Variants in GPR84 observed in about 807,000 individuals in gnomAD.
GPR84 encodes G protein-coupled receptor 84.
A neutral mutation model predicts 14.9 loss-of-function variants in GPR84; 8 were observed. That is an observed-to-expected ratio of 0.54 (90% confidence interval 0.31 to 0.97). The LOEUF (loss-of-function observed/expected upper bound fraction) is 0.97. Among genes scored for constraint, GPR84 ranks in the 50% least tolerant of loss-of-function variants. GPR84 has a pLI of 0.04. For synonymous variants in GPR84, 164 were observed against 198.1 expected (o/e 0.83, Z 1.45); for missense variants, 424 against 498.7 (o/e 0.85, Z 1.43).
chr12:54,363,271 A>G lies in GPR84; in HGVS notation c.581T>C (p.Val194Ala), dbSNP rs201957956. ...GTGGATGAGGCAATAGAAGATGCCA[A>G]CACTGCTGAGCCCAAGCACAAAGTA... ...GIYFVLGLSS[V>A]GIFYCLIHRQ... Residue 194 changes from valine to alanine, a missense_variant, in exon 2 of 2, where the codon GTT (valine) becomes GCT (alanine). Transcript: ENST00000267015. 2 of 1,614,180 alleles carry G rather than the reference A, an allele frequency of 1.2e-6. No homozygotes were observed. Among genetic ancestry groups the G allele is most frequent in the Non-Finnish European group, 1.7e-6 (2 of 1,180,028 alleles).
In GPR84 at chr12:54,364,400, T is replaced by C. The variant is rs1188865572; in HGVS notation, c.-16A>G. ...CACAACAAAAGTGCTTACCTGAGTT[T>C]CTCAGCCTTCAATTCTTTCTATAAT... is the stretch of plus-strand genomic sequence containing the variant. On this transcript the variant is annotated 5_prime_UTR_variant, in exon 1 of 2. Transcript: ENST00000267015. The C allele has an allele frequency of 6.6e-6, 1 of 152,328 alleles. No homozygotes were observed. The highest frequency in any genetic ancestry group is 1.5e-5 in the Non-Finnish European group (1 of 68,142). The allele number at this position is 152,328 out of a possible 1,614,324, so 9.4% of individuals were successfully genotyped here.
downstream of GPR84, among the ~76,000 whole-genome samples, chr12:54,361,100 G>A (rs1267529002): frequency 6.6e-6 from 1 of 152,158 alleles, no homozygotes; most frequent in African/African-American, 2.4e-5. This position sits in a 1 kb window ranked among gnomAD's most constrained non-coding sequence, Gnocchi z 4.3. Flanking sequence ...TGGTCATTCT[G>A]GAGGGAAGGA....
In GPR84 at chr12:54,363,394, G is replaced by A. The variant is rs1345501624; in HGVS notation, c.458C>T (p.Ala153Val). 2.5e-6 allele frequency: 4 copies of A among 1,604,126 alleles called. No individual in the cohort carries two copies. Among genetic ancestry groups the A allele is most frequent in the Non-Finnish European group, 3.4e-6 (4 of 1,170,900 alleles). The change falls in exon 2 of 2, where the codon GCT becomes GTT. Residue 153 changes from alanine (A) to valine (V), a missense_variant. Transcript: ENST00000267015. Reference sequence around the variant, plus strand: ...CAGGATATAAATAGGCCAGAGGGGAGCAAAGCTGGCCACGCCCACAACCCA... The same window carrying A: ...CAGGATATAAATAGGCCAGAGGGGAACAAAGCTGGCCACGCCCACAACCCA... Reference protein sequence around the residue: ...STWVVGVASFAPLWPIYILVP... With the variant: ...STWVVGVASFVPLWPIYILVP...
At chr12:54,358,553 TTC>T (rs1272125782), downstream of GPR84, among the ~76,000 whole-genome samples, 1 of 152,074 alleles carries the variant, frequency 6.6e-6, no homozygotes, top group African/African-American at 2.4e-5. Context: ...TATTGCGCCT[TTC>T]TCTGTCTTTG....
At chr12:54,355,330 G>A in the GPR84 span, among the ~76,000 whole-genome samples, 1 of 143,038 alleles carries the variant, frequency 7.0e-6, no homozygotes, top group East Asian at 2.0e-4. Context: ...GTGTGTGAGT[G>A]TGTGTGTGTG....
Position 54,362,500 on chromosome 12 carries a change from G to A in GPR84, c.*161C>T. On this transcript the variant is annotated 3_prime_UTR_variant, in exon 2 of 2. Coordinates refer to ENST00000267015, the MANE Select transcript of GPR84 (RefSeq NM_020370.3). This position sits in a 1 kb window ranked among gnomAD's most constrained non-coding sequence, Gnocchi z 4.0. ...TAATAATACTCCTTGGGCAGTCTAG[G>A]GCTGAAACATTGATCAAGTGATGGA... 3.0e-6 allele frequency: 2 copies of A among 656,014 alleles called. No individual in the cohort carries two copies. The highest frequency in any genetic ancestry group is 5.6e-6 in the Non-Finnish European group (2 of 358,932). 40.6% of individuals were successfully genotyped at this position (656,014 alleles called of 1,614,324 possible).
chr12:54,362,942 C>A lies in GPR84; in HGVS notation c.910G>T (p.Ala304Ser). 1 of 1,614,238 alleles carries A rather than the reference C, an allele frequency of 6.2e-7. No individual in the cohort carries two copies. Among genetic ancestry groups the A allele is most frequent in the South Asian group, 1.1e-5 (1 of 91,090 alleles). ...ASAKAQPIKG[A>S]RRAPDSSSEF... ...GATGAAGAATCCGGAGCTCTTCTGG[C>A]TCCTTTAATTGGCTGGGCTTTGGCA... Residue 304 changes from alanine to serine, a missense_variant, in exon 2 of 2, where the codon GCC (alanine) becomes TCC (serine). By Grantham distance (99) the Ala-to-Ser change is moderately conservative (BLOSUM62 1). Coordinates refer to ENST00000267015, the MANE Select transcript of GPR84 (RefSeq NM_020370.3). This position sits in a 1 kb window ranked among gnomAD's most constrained non-coding sequence, Gnocchi z 4.0.
Position 54,363,823 on chromosome 12 carries a change from G to A in GPR84, c.29C>T (p.Ser10Phe). The change falls in exon 2 of 2, where the codon TCC becomes TTC. Residue 10 changes from serine (S) to phenylalanine (F), a missense_variant. Physicochemically the swap from Ser to Phe is radical, Grantham distance 155. Transcript: ENST00000267015. Reference protein sequence around the residue: MWNSSDANFSCYHESVLGYR... With the variant: MWNSSDANFFCYHESVLGYR... Reference sequence around the variant, plus strand: ...GCCCAGCACAGACTCATGGTAGCAGGAGAAGTTGGCGTCAGAGCTGTTCCA... The same window carrying A: ...GCCCAGCACAGACTCATGGTAGCAGAAGAAGTTGGCGTCAGAGCTGTTCCA... The A allele has an allele frequency of 6.2e-7, 1 of 1,602,578 alleles. No individual in the cohort carries two copies. Among genetic ancestry groups the A allele is most frequent in the Non-Finnish European group, 8.5e-7 (1 of 1,172,864 alleles).
chr12:54,350,733 C>T, the GPR84 span: 36 of 593,680 alleles, frequency 6.1e-5, no homozygotes, highest in East Asian at 9.7e-4. Context: ...GAGTAAAGCT[C>T]CCAGCATATT....
chr12:54,356,002 T>A, the GPR84 span, among the ~76,000 whole-genome samples: 1 of 152,128 alleles, frequency 6.6e-6, no homozygotes, highest in Non-Finnish European at 1.5e-5. Flanking sequence ...AAGGAAGAGA[T>A]GAGATTGATA....
chr12:54,362,763 A>G lies in GPR84; in HGVS notation c.1089T>C (p.Gly363=). ...MLAANLTWLN[G]CINPVLYAAM... ...CTGCATAGAGCACAGGGTTGATGCAACCATTGAGCCAGGTGAGGTTGGCAG... is the reference window on the plus strand; with the variant it reads ...CTGCATAGAGCACAGGGTTGATGCAGCCATTGAGCCAGGTGAGGTTGGCAG... Residue 363 remains glycine, a synonymous_variant, in exon 2 of 2, where the codon GGT becomes GGC. Transcript: ENST00000267015. This position sits in a 1 kb window ranked among gnomAD's most constrained non-coding sequence, Gnocchi z 4.0. 2 of 1,614,108 alleles carry G rather than the reference A, an allele frequency of 1.2e-6. No individual in the cohort carries two copies. Among genetic ancestry groups the G allele is most frequent in the South Asian group, 1.1e-5 (1 of 91,086 alleles).
the GPR84 span, chr12:54,350,810 C>T: frequency 2.1e-6 from 1 of 469,730 alleles, no homozygotes; most frequent in South Asian, 2.9e-5. Flanking sequence ...TGCTCCCTTG[C>T]CCTGACATTT....
Position 54,362,848 on chromosome 12 carries a change from A to T in GPR84, c.1004T>A (p.Phe335Tyr), listed in dbSNP as rs767698842. 6.2e-7 allele frequency: 1 copy of T among 1,614,200 alleles called. No homozygotes were observed. Among genetic ancestry groups the T allele is most frequent in the South Asian group, 1.1e-5 (1 of 91,084 alleles). ...FLCFALSYIP[F>Y]LLLNILDARV... ...GGCATCCAGAATGTTGAGCAGCAAG[A>T]AGGGGATGTAGCTCAGGGCAAAGCA... Residue 335 changes from phenylalanine to tyrosine, a missense_variant, in exon 2 of 2, where the codon TTC (phenylalanine) becomes TAC (tyrosine). Transcript: ENST00000267015. The surrounding 1 kb of genome is among the most constrained non-coding windows in gnomAD (Gnocchi z 4.0).
chr12:54,361,530 C>T (rs183802055), downstream of GPR84, among the ~76,000 whole-genome samples: 146 of 152,210 alleles, frequency 9.6e-4, no homozygotes, highest in African/African-American at 3.0e-3. The surrounding 1 kb of genome is among the most constrained non-coding windows in gnomAD (Gnocchi z 4.3). Context: ...GCCACCATGC[C>T]GGGCTAATTT....
At chr12:54,358,015 C>T (rs1954226969), downstream of GPR84, among the ~76,000 whole-genome samples, 2 of 152,176 alleles carry the variant, frequency 1.3e-5, no homozygotes, top group South Asian at 4.1e-4. Flanking sequence ...GTCTGTGCTT[C>T]CTTCTCTGGC....
the GPR84 span, among the ~76,000 whole-genome samples, chr12:54,352,039 T>C: frequency 6.6e-6 from 1 of 151,884 alleles, no homozygotes; most frequent in African/African-American, 2.4e-5. Context: ...CGCCTGGAAA[T>C]TGGCGCCAGG....
chr12:54,364,082 T>TA (rs1269140592), intron 1 of GPR84: 2 of 451,880 alleles, frequency 4.4e-6, no homozygotes, highest in African/African-American at 3.9e-5. Context: ...CCCAAGTTTT[T>TA]ATCTAAATAT....
Position 54,363,761 on chromosome 12 carries a change from C to T in GPR84, c.91G>A (p.Ala31Thr). 6.2e-7 allele frequency: 1 copy of T among 1,613,602 alleles called. No individual in the cohort carries two copies. The highest frequency in any genetic ancestry group is 8.5e-7 in the Non-Finnish European group (1 of 1,179,750). ...YVAVSWGVVV[A>T]VTGTVGNVLT... is the part of the protein sequence containing the mutation. ...ACATTGCCCACGGTGCCTGTCACAG[C>T]CACCACCACCCCCCAGCTAACTGCA... is the stretch of plus-strand genomic sequence containing the variant. Residue 31 changes from alanine (A) to threonine (T), a missense_variant, in exon 2 of 2, where the codon GCT becomes ACT. By Grantham distance (58) the Ala-to-Thr change is moderately conservative. Transcript: ENST00000267015.
chr12:54,353,877 G>A, the GPR84 span: 1 of 152,152 alleles, frequency 6.6e-6, no homozygotes, highest in Non-Finnish European at 1.5e-5. Context: ...AGGAGAAAAA[G>A]GTCTCTGAGA....
Sources: gnomAD v4.1 joint callset for allele counts (sites outside exome capture counted in the v4.1 genomes callset) on GRCh38, gnomAD v4.1.1 for gene constraint, Gnocchi (gnomAD v3.1) non-coding constraint, MANE v1.5 for transcripts, NCBI Gene and HGNC (gene_info 2026-07-23, HGNC 2026-07-21) for gene names.